The following NDUFS2 variants were observed in gnomAD, a reference collection of about 807,000 sequenced individuals.
NDUFS2 encodes the protein NADH:ubiquinone oxidoreductase core subunit S2.
NDUFS2 carries 38 observed loss-of-function variants against 69.6 expected under a neutral mutation model. The observed-to-expected ratio is 0.55, with a 90% CI of 0.42 to 0.72. NDUFS2 has a LOEUF of 0.72. Ranked by LOEUF, NDUFS2 falls within the 30% of genes least tolerant of loss-of-function variation. NDUFS2 has a pLI of 0.00. For missense variants in NDUFS2, 468 were observed against 595.0 expected (o/e 0.79, Z 2.22); for synonymous variants, 194 against 211.2 (o/e 0.92, Z 0.70).
upstream of NDUFS2, chr1:161,198,042 C>T (rs377253620): frequency 2.9e-5 from 47 of 1,596,592 alleles, no homozygotes; most frequent in African/African-American, 4.0e-5. The surrounding 1 kb of genome is among the most constrained non-coding windows in gnomAD (Gnocchi z 4.7). Context: ...GGAGCCTTGA[C>T]GTTGCACATG....
upstream of NDUFS2, among the ~76,000 whole-genome samples, chr1:161,201,773 G>T (rs981748118): frequency 6.6e-6 from 1 of 152,244 alleles, no homozygotes; most frequent in East Asian, 1.9e-4. Flanking sequence ...ACTCCCCTCC[G>T]CACCACCAAT....
upstream of NDUFS2, chr1:161,198,977 T>G: frequency 4.0e-6 from 1 of 248,354 alleles, no homozygotes; most frequent in Non-Finnish European, 7.7e-6. The surrounding 1 kb of genome is among the most constrained non-coding windows in gnomAD (Gnocchi z 4.7). Context: ...CTTCTTCCGC[T>G]GTGCCTTTGT....
chr1:161,205,048 CAAAA>C (rs57271297), intron 2 of NDUFS2, among the ~76,000 whole-genome samples: 1 of 111,482 alleles, frequency 9.0e-6, no homozygotes, highest in Non-Finnish European at 1.9e-5. Flanking sequence ...AAGACTGTCT[CAAAA>C]AAAAAAAAAA....
Position 161,214,373 on chromosome 1 carries a change from G to A in NDUFS2, c.*180G>A, listed in dbSNP as rs777448138. ...AAGGAGAAATTATAATAAATTAGCCGTCTTGCGGCCCCTAGGCCTAAACTT... is the reference window on the plus strand; with the variant it reads ...AAGGAGAAATTATAATAAATTAGCCATCTTGCGGCCCCTAGGCCTAAACTT... On this transcript the variant is annotated 3_prime_UTR_variant, in exon 14 of 14. Transcript: ENST00000676972. The A allele has an allele frequency of 5.7e-5, 39 of 680,006 alleles. No individual in the cohort carries two copies. Among genetic ancestry groups the A allele is most frequent in the African/African-American group, 3.2e-4 (18 of 55,794 alleles). 42.1% of individuals were successfully genotyped at this position (680,006 alleles called of 1,614,324 possible).
At chr1:161,202,526 T>C (rs1472926085) in intron 1 of NDUFS2, 46 bp downstream of exon 1, 2 of 1,555,856 alleles carry the variant, frequency 1.3e-6, no homozygotes, top group South Asian at 2.3e-5. Flanking sequence ...AAGGCTAGGG[T>C]TTCTCAGGTT....
chr1:161,210,801 C>T (rs1665729957), intron 9 of NDUFS2, 91 bp downstream of exon 9: 1 of 1,586,294 alleles, frequency 6.3e-7, no homozygotes, highest in Non-Finnish European at 8.6e-7. Context: ...CCCTACTTCT[C>T]AGTGTCTGTG....
upstream of NDUFS2, among the ~76,000 whole-genome samples, chr1:161,200,331 T>A (rs1334078389): frequency 1.3e-5 from 2 of 151,764 alleles, no homozygotes; most frequent in Non-Finnish European, 2.9e-5. Context: ...GGAAAAGAGG[T>A]CTTGGGTATG....
Position 161,205,832 on chromosome 1 carries a change from T to TA in NDUFS2, c.203-574dup, listed in dbSNP as rs780722408. Among the ~76,000 whole-genome samples, 10 of 152,026 alleles carry TA rather than the reference T, an allele frequency of 6.6e-5. No homozygotes were observed. In the East Asian group the frequency reaches 1.9e-3, roughly 29 times the overall value. On this transcript the variant is annotated intron_variant, in intron 2 of 13. Coordinates refer to ENST00000676972, the MANE Select transcript of NDUFS2 (RefSeq NM_001377299.1). Reference sequence around the variant, plus strand: ...TCATTTAGTGCGAGTAAGCATTAGGTATACCATTTCCTGACTGGTTGGCCA... The same window carrying TA: ...TCATTTAGTGCGAGTAAGCATTAGGTAATACCATTTCCTGACTGGTTGGCCA...
At chr1:161,213,812 C>T (rs2102058137) in intron 12 of NDUFS2, 52 bp from the exon 13 acceptor site, 3 of 1,611,860 alleles carry the variant, frequency 1.9e-6, no homozygotes, top group South Asian at 1.1e-5. Context: ...TCTTCTTTCT[C>T]CTCCCACCTT....
chr1:161,207,392 C>T (rs1329021416), intron 3 of NDUFS2, among the ~76,000 whole-genome samples: 1 of 152,218 alleles, frequency 6.6e-6, no homozygotes. Flanking sequence ...GAAGCTGGTT[C>T]AGCAGACAGC....
upstream of NDUFS2, chr1:161,202,047 G>C (rs1261476491): frequency 1.6e-5 from 7 of 426,690 alleles, no homozygotes; most frequent in Non-Finnish European, 2.6e-5. Flanking sequence ...AGTAGGGAAG[G>C]AAGCGCCGCG....
At chr1:161,206,637 G>C (rs766271398) in intron 3 of NDUFS2, 40 bp downstream of exon 3, 39 of 1,606,226 alleles carry the variant, frequency 2.4e-5, no homozygotes, top group Non-Finnish European at 3.2e-5. Context: ...GGGATCTGGG[G>C]TTGCTTTAGC....
upstream of NDUFS2, chr1:161,197,523 C>G (rs1664897012): frequency 6.2e-6 from 1 of 162,504 alleles, no homozygotes; most frequent in Non-Finnish European, 1.3e-5. Flanking sequence ...CACTCCTGCC[C>G]TAGTTTGCAG....
chr1:161,203,239 G>A (rs1404103643), intron 1 of NDUFS2, among the ~76,000 whole-genome samples, 198 bp from the exon 2 acceptor site: 3 of 152,158 alleles, frequency 2.0e-5, no homozygotes, highest in African/African-American at 7.2e-5. Flanking sequence ...CCGGGAGGCG[G>A]AGGTTTCAGT....
upstream of NDUFS2, among the ~76,000 whole-genome samples, chr1:161,200,436 G>A (rs1411287708): frequency 6.6e-6 from 1 of 152,148 alleles, no homozygotes; most frequent in Non-Finnish European, 1.5e-5. Context: ...CCAGGAAGGA[G>A]AGTGCAGTCA....
intron 11 of NDUFS2, 78 bp downstream of exon 11, chr1:161,213,553 A>T: frequency 6.5e-7 from 1 of 1,541,072 alleles, no homozygotes; most frequent in Non-Finnish European, 9.0e-7. Flanking sequence ...TAGCTCATTC[A>T]TCAATGAGAG....
intron 2 of NDUFS2, among the ~76,000 whole-genome samples, chr1:161,205,628 C>T (rs766537024): frequency 2.0e-5 from 3 of 152,014 alleles, no homozygotes; most frequent in Non-Finnish European, 4.4e-5. Context: ...ATTAGGTGGG[C>T]ATGGTGGTGT....
Position 161,212,389 on chromosome 1 carries a change from G to T in NDUFS2, c.1025G>T (p.Arg342Ile). Residue 342 changes from arginine (R) to isoleucine (I), a missense_variant, in exon 10 of 14, where the codon AGA (arginine) becomes ATA (isoleucine). Physicochemically the swap from Arg to Ile is moderately conservative, Grantham distance 97. Transcript: ENST00000676972. Reference protein sequence around the residue: ...CRVEEMRQSLRIIAQCLNKMP... With the variant: ...CRVEEMRQSLIIIAQCLNKMP... ...GTGGAGGAGATGCGCCAGTCCCTGA[G>T]AATTATCGCACAGTGTCTAAACAAG... The T allele has an allele frequency of 6.2e-7, 1 of 1,613,810 alleles. No individual in the cohort carries two copies. The highest frequency in any genetic ancestry group is 8.5e-7 in the Non-Finnish European group (1 of 1,179,832).
At chr1:161,201,526 T>G (rs1408264572), upstream of NDUFS2, among the ~76,000 whole-genome samples, 1 of 152,344 alleles carries the variant, frequency 6.6e-6, no homozygotes, top group East Asian at 1.9e-4. Context: ...GTGATCAGAC[T>G]CCTGGTGCTA....
Sources: gnomAD v4.1 joint callset for allele counts (sites outside exome capture counted in the v4.1 genomes callset) on GRCh38, gnomAD v4.1.1 for gene constraint, Gnocchi (gnomAD v3.1) non-coding constraint, MANE v1.5 for transcripts, NCBI Gene and HGNC (gene_info 2026-07-23, HGNC 2026-07-21) for gene names.